The following PKD2L2 variants were observed in gnomAD, a reference collection of about 807,000 sequenced individuals.
PKD2L2 encodes polycystin 2 like 2, transient receptor potential cation channel.
Under a neutral mutation model 83.9 loss-of-function variants are expected in PKD2L2, and 67 were observed. The ratio of observed to expected loss-of-function variants is 0.80; its 90% CI spans 0.66 to 0.98. The LOEUF is 0.98. Among genes scored for constraint, PKD2L2 ranks in the 50% least tolerant of loss-of-function variants. PKD2L2 has a pLI of 0.00. For missense variants in PKD2L2, 632 were observed against 717.2 expected (o/e 0.88, Z 1.36); for synonymous variants, 223 against 237.8 (o/e 0.94, Z 0.57).
chr5:137,928,713 T>C (rs773390059), intron 12 of PKD2L2, among the ~76,000 whole-genome samples: 12 of 152,230 alleles, frequency 7.9e-5, no homozygotes, highest in Non-Finnish European at 1.5e-4. Flanking sequence ...ATTACAGCTG[T>C]GAGCCACTGG....
Position 137,907,758 on chromosome 5 carries a change from T to C in PKD2L2, c.992T>C (p.Val331Ala). The change falls in exon 7 of 15, where the codon GTT becomes GCT. Residue 331 changes from valine (V) to alanine (A), a missense_variant. Physicochemically the swap from Val to Ala is moderately conservative, Grantham distance 64. This residue lies in a region of PKD2L2 where 399 missense variants were observed against 416.9 expected (regional missense o/e 0.96). Transcript: ENST00000508883. ...LLLLLLCFVA[V>A]SFNTYYNVQI... The stretch of plus-strand genomic sequence containing the variant: ...CCCATTTAGTTGTGTTTTGTGGCTG[T>C]TTCCTTCAACACATACTATAATGTA... The C allele has an allele frequency of 6.6e-7, 1 of 1,511,294 alleles. No individual in the cohort carries two copies. The highest frequency in any genetic ancestry group is 8.9e-7 in the Non-Finnish European group (1 of 1,124,764). 93.6% of individuals were successfully genotyped at this position (1,511,294 alleles called of 1,614,324 possible).
In PKD2L2 at chr5:137,923,444, G is replaced by A. The variant is rs375362258; in HGVS notation, c.1474G>A (p.Asp492Asn). Residue 492 changes from aspartate to asparagine, a missense_variant, in exon 10 of 15, where the codon GAT becomes AAT. Physicochemically the swap from Asp to Asn is conservative, Grantham distance 23 (BLOSUM62 1). Coordinates refer to ENST00000508883, the MANE Select transcript of PKD2L2 (RefSeq NM_001300921.2). ...GAATATGTTCTTGGCAATTATTAAT[G>A]ATACCTATTCTGAAGTGAAAGCTGA... ...LLNMFLAIIN[D>N]TYSEVKADYS... 1 of 1,513,618 alleles carries A rather than the reference G, an allele frequency of 6.6e-7. No homozygotes were observed. The highest frequency in any genetic ancestry group is 2.3e-5 in the East Asian group (1 of 44,392). The allele number at this position is 1,513,618 out of a possible 1,614,324, so 93.8% of individuals were successfully genotyped here.
chr5:137,928,962 A>G (rs1759611696), intron 12 of PKD2L2, among the ~76,000 whole-genome samples: 1 of 152,206 alleles, frequency 6.6e-6, no homozygotes, highest in Non-Finnish European at 1.5e-5. Context: ...TCAAAGTTTA[A>G]TTGACATTTT....
chr5:137,907,894 C>CT lies in PKD2L2; in HGVS notation c.1134dup (p.Ala379CysfsTer12), dbSNP rs1378662660. ...ACAATAATATAATTGCTATTACCAT[C>CT]TTTTTTGCATGGATAAAGGTATTTA... is the stretch of plus-strand genomic sequence containing the variant. On this transcript the variant is annotated frameshift_variant, in exon 7 of 15. Transcript: ENST00000508883. LOFTEE classifies it high-confidence loss of function. 5 of 1,409,974 alleles carry CT rather than the reference C, an allele frequency of 3.5e-6. No individual in the cohort carries two copies. Among genetic ancestry groups the CT allele is most frequent in the Non-Finnish European group, 4.9e-6 (5 of 1,013,418 alleles). 87.3% of individuals were successfully genotyped at this position (1,409,974 alleles called of 1,614,324 possible). A position where few individuals can be genotyped will look rare whatever the true frequency, so the allele number is the denominator to read the frequency against.
intron 1 of PKD2L2, 51 bp from the exon 2 acceptor site, chr5:137,890,430 C>A: frequency 1.0e-6 from 1 of 969,018 alleles, no homozygotes; most frequent in Non-Finnish European, 1.6e-6. Flanking sequence ...ATTGTTGTCA[C>A]TTATAAATTA....
chr5:137,920,738 CAA>C (rs1422045696), intron 8 of PKD2L2, among the ~76,000 whole-genome samples: 1 of 138,110 alleles, frequency 7.2e-6, no homozygotes, highest in Non-Finnish European at 1.5e-5. Flanking sequence ...GCCTGGGCGA[CAA>C]GAGCGAAACT....
chr5:137,900,105 C>T (rs1391787952), intron 5 of PKD2L2, among the ~76,000 whole-genome samples: 2 of 152,120 alleles, frequency 1.3e-5, no homozygotes, highest in Non-Finnish European at 2.9e-5. Context: ...GCACCATTTG[C>T]AGTCAAGAAA....
At chr5:137,909,445 A>G (rs955565703) in intron 8 of PKD2L2, among the ~76,000 whole-genome samples, 1 of 151,500 alleles carries the variant, frequency 6.6e-6, no homozygotes, top group African/African-American at 2.4e-5. Context: ...TAGAAAAATA[A>G]TTTTTCATTT....
At chr5:137,916,475 CTTTTTT>C (rs1169529107) in intron 8 of PKD2L2, among the ~76,000 whole-genome samples, 6 of 93,202 alleles carry the variant, frequency 6.4e-5, no homozygotes, top group South Asian at 3.9e-4. Flanking sequence ...CACTTTTCTT[CTTTTTT>C]TTTTTTTTTT....
intron 8 of PKD2L2, 48 bp downstream of exon 8, chr5:137,908,994 A>T: frequency 8.4e-7 from 1 of 1,194,104 alleles, no homozygotes; most frequent in Non-Finnish European, 1.2e-6. Flanking sequence ...TTTTCTTACA[A>T]AAAAAATTGG....
At chr5:137,900,361 G>T (rs1756850649) in intron 5 of PKD2L2, among the ~76,000 whole-genome samples, 1 of 152,186 alleles carries the variant, frequency 6.6e-6, no homozygotes, top group Admixed American at 6.5e-5. Context: ...ATCGTATTTA[G>T]TGCAATATCA....
At position 137,907,852 on chromosome 5, in the gene PKD2L2, A is replaced by T. The variant is rs1185321229; in HGVS notation, c.1086A>T (p.Ala362=). 1 of 1,536,056 alleles carries T rather than the reference A, an allele frequency of 6.5e-7. No individual in the cohort carries two copies. The highest frequency in any genetic ancestry group is 1.4e-5 in the African/African-American group (1 of 73,522). ...TEKYSDFYFL[A]CWHIYYNNII... is the part of the protein sequence containing the mutation. Reference sequence around the variant, plus strand: ...AATATTCAGATTTCTATTTTCTTGCATGCTGGCACATTTATTACAATAATA... The same window carrying T: ...AATATTCAGATTTCTATTTTCTTGCTTGCTGGCACATTTATTACAATAATA... Residue 362 remains alanine, a synonymous_variant, in exon 7 of 15, where the codon GCA becomes GCT. Transcript: ENST00000508883.
chr5:137,934,832 G>A (rs577961400), intron 12 of PKD2L2, among the ~76,000 whole-genome samples: 61 of 151,914 alleles, frequency 4.0e-4, no homozygotes, highest in African/African-American at 1.2e-3. Context: ...GCAGTGAGCC[G>A]AGATCGTGCC....
rs1758903046 is a variant in PKD2L2 at position 137,921,508 on chromosome 5, A to G, written c.1329-128A>G. 4 of 630,770 alleles carry G rather than the reference A, an allele frequency of 6.3e-6. No individual in the cohort carries two copies. The East Asian group carries it at 1.1e-4, about 17-fold the overall frequency. 39.1% of individuals were successfully genotyped at this position (630,770 alleles called of 1,614,324 possible). ...TCCAATTTTACACAACTCTGTACTA[A>G]CATAATTAAAGTCAGAAAGCATATA... On this transcript the variant is annotated intron_variant, in intron 8 of 14. Coordinates refer to ENST00000508883, the MANE Select transcript of PKD2L2 (RefSeq NM_001300921.2).
intron 14 of PKD2L2, among the ~76,000 whole-genome samples, chr5:137,941,429 C>T (rs554199434): frequency 2.6e-5 from 4 of 152,156 alleles, no homozygotes; most frequent in Non-Finnish European, 5.9e-5. Context: ...TTAAAAAGAG[C>T]CCTTCCAAGT....
chr5:137,891,373 G>C (rs939218518), intron 2 of PKD2L2, among the ~76,000 whole-genome samples: 7 of 152,050 alleles, frequency 4.6e-5, no homozygotes, highest in African/African-American at 1.4e-4. Flanking sequence ...GGCTGAGGTG[G>C]AGGATTGCTT....
At chr5:137,909,029 T>C in intron 8 of PKD2L2, 83 bp downstream of exon 8, 1 of 723,622 alleles carries the variant, frequency 1.4e-6, no homozygotes, top group Admixed American at 2.9e-5. Flanking sequence ...CTATGATAAG[T>C]AGTAATATAA....
At chr5:137,922,843 C>A (rs1017456517) in intron 9 of PKD2L2, among the ~76,000 whole-genome samples, 4 of 152,030 alleles carry the variant, frequency 2.6e-5, no homozygotes, top group Non-Finnish European at 5.9e-5. Context: ...CATATGCATT[C>A]TTTTACATTC....
intron 8 of PKD2L2, 133 bp downstream of exon 8, chr5:137,909,079 CTTTT>C (rs1022430939): frequency 3.4e-6 from 2 of 585,912 alleles, no homozygotes; most frequent in African/African-American, 3.9e-5. Flanking sequence ...TTTTCTTTTT[CTTTT>C]TATTTTTCTG....
Sources: allele counts gnomAD v4.1 joint callset (sites outside exome capture counted in the v4.1 genomes callset), GRCh38; gene constraint gnomAD v4.1.1; regional missense constraint gnomAD v4.1.1; transcripts MANE v1.5; gene names NCBI Gene and HGNC (gene_info 2026-07-23, HGNC 2026-07-21).